CDK12: variants seen among roughly 807,000 people sequenced by gnomAD.
CDK12 encodes the protein cyclin dependent kinase 12.
CDK12 carries 17 observed loss-of-function variants against 133.8 expected under a neutral mutation model. The ratio of observed to expected loss-of-function variants is 0.13; its 90% CI spans 0.09 to 0.19. The LOEUF is 0.19. CDK12 is among the 10% of genes least tolerant of loss of function. CDK12 has a pLI of 1.00. For synonymous variants in CDK12, 694 were observed against 683.6 expected (o/e 1.02, Z -0.24); for missense variants, 1,508 against 1,818.7 (o/e 0.83, Z 3.11).
intron 2 of CDK12, among the ~76,000 whole-genome samples, chr17:39,484,897 G>A (rs1457664821): frequency 6.6e-6 from 1 of 152,116 alleles, no homozygotes; most frequent in Non-Finnish European, 1.5e-5. Flanking sequence ...CAGGCCGGGT[G>A]CGGTGGCTCA....
At chr17:39,519,443 AGGCGT>A (rs1404570824) in intron 10 of CDK12, among the ~76,000 whole-genome samples, 1 of 150,290 alleles carries the variant, frequency 6.7e-6, no homozygotes, top group Non-Finnish European at 1.5e-5. Context: ...CTAGAATTAC[AGGCGT>A]GCATCACCAT....
At chr17:39,498,913 T>C (rs1247867186) in intron 5 of CDK12, among the ~76,000 whole-genome samples, 1 of 4 alleles carries the variant, frequency 0.25, no homozygotes, top group Non-Finnish European at 0.25. Context: ...CTTTCTTTCT[T>C]TCTTTCTTTC....
chr17:39,517,823 G>C (rs1423631767), intron 10 of CDK12, among the ~76,000 whole-genome samples: 3 of 152,140 alleles, frequency 2.0e-5, no homozygotes, highest in Non-Finnish European at 4.4e-5. Context: ...GAGAAAAAGA[G>C]AATGGAATTG....
chr17:39,558,325 G>C (rs900415744), intron 3 of CDK12, among the ~76,000 whole-genome samples: 1 of 152,192 alleles, frequency 6.6e-6, no homozygotes, highest in Non-Finnish European at 1.5e-5. Flanking sequence ...AGGATGGAGG[G>C]GGGAGAGATA....
intron 8 of CDK12, among the ~76,000 whole-genome samples, chr17:39,514,283 A>G (rs1266795395): frequency 1.3e-5 from 2 of 152,194 alleles, no homozygotes; most frequent in African/African-American, 4.8e-5. Flanking sequence ...TTTTAACATA[A>G]TTCGTTTAAA....
At chr17:39,478,047 A>G (rs985390259) in intron 2 of CDK12, among the ~76,000 whole-genome samples, 2 of 134,244 alleles carry the variant, frequency 1.5e-5, no homozygotes, top group Non-Finnish European at 3.2e-5. Context: ...TTTTTTAGCC[A>G]TCTCCTCCTC....
chr17:39,486,472 G>C (rs1177473163), intron 2 of CDK12, among the ~76,000 whole-genome samples: 1 of 151,680 alleles, frequency 6.6e-6, no homozygotes, highest in Non-Finnish European at 1.5e-5. Context: ...TCACTATGTT[G>C]CTCAGGCTGG....
In CDK12 at chr17:39,486,498, C is replaced by T. The variant is rs117318848; in HGVS notation, c.1932-4059C>T. 1.3e-3 allele frequency among the ~76,000 whole-genome samples: 204 copies of T among 151,970 alleles called. 1 individual carries two copies. The highest frequency in any genetic ancestry group is 6.8e-3 in the Middle Eastern group (2 of 294). ...CTCAGGCTGGTCTTGAACTCCTGGG[C>T]TCAAGCAATCTTCCTGCCTTGGCTC... is the stretch of plus-strand genomic sequence containing the variant. On this transcript the variant is annotated intron_variant, in intron 2 of 13. Coordinates refer to ENST00000447079, the MANE Select transcript of CDK12 (RefSeq NM_016507.4).
chr17:39,462,893 G>C lies in CDK12; in HGVS notation c.822G>C (p.Ser274=). 1.2e-6 allele frequency: 2 copies of C among 1,614,146 alleles called. No homozygotes were observed. The highest frequency in any genetic ancestry group is 2.2e-5 in the East Asian group (1 of 44,884). ...CTGGAAGTACCTCGAGAAGGCAGTC[G>C]GTCAGTCCCCCTTACAAGGAGCCTT... ...KSPGSTSRRQ[S]VSPPYKEPSA... is the part of the protein sequence containing the mutation. Residue 274 remains serine, a synonymous_variant, in exon 1 of 14, where the codon TCG becomes TCC. Transcript: ENST00000447079.
rs764875330 is a variant in CDK12, at chr17:39,511,672, A to G, written c.2768+42A>G. 6 of 1,285,998 alleles carry G rather than the reference A, an allele frequency of 4.7e-6. 1 individual carries two copies. Among genetic ancestry groups the G allele is most frequent in the Non-Finnish European group, 6.8e-6 (6 of 887,394 alleles). The allele number at this position is 1,285,998 out of a possible 1,614,324, so 79.7% of individuals were successfully genotyped here. A position where few individuals can be genotyped will look rare whatever the true frequency, so the allele number is the denominator to read the frequency against. ...TTTTTCTTTTGTCTGTAACTTACAT[A>G]CTGTTGACTTGTACTTTGTTTTCTC... On this transcript the variant is annotated intron_variant, in intron 8 of 13. Transcript: ENST00000447079.
chr17:39,501,101 T>C, intron 5 of CDK12, 149 bp from the exon 6 acceptor site: 2 of 544,632 alleles, frequency 3.7e-6, no homozygotes, highest in East Asian at 3.1e-5. Context: ...ATTCAACTAC[T>C]CTTCGTTTCA....
intron 9 of CDK12, among the ~76,000 whole-genome samples, chr17:39,516,932 G>A (rs1412562849): frequency 2.6e-5 from 4 of 152,036 alleles, no homozygotes; most frequent in African/African-American, 4.8e-5. Context: ...CAAAGTGCTG[G>A]GATTACAGGC....
At chr17:39,493,166 GT>G (rs201228796) in intron 4 of CDK12, among the ~76,000 whole-genome samples, 247 of 132,488 alleles carry the variant, frequency 1.9e-3, no homozygotes, top group African/African-American at 6.1e-3. Flanking sequence ...ACTAATTTTT[GT>G]TTTTTTTTTT....
intron 1 of CDK12, among the ~76,000 whole-genome samples, chr17:39,463,706 C>G (rs932169636): frequency 6.6e-6 from 1 of 151,764 alleles, no homozygotes; most frequent in South Asian, 2.1e-4. Flanking sequence ...AATGGTATAA[C>G]CTAGCAGAAA....
Position 39,520,059 on chromosome 17 carries a change from G to A in CDK12, c.3067G>A (p.Val1023Ile). Residue 1023 changes from valine to isoleucine, a missense_variant, in exon 11 of 14, where the codon GTC becomes ATC. Physicochemically the swap from Val to Ile is conservative, Grantham distance 29. Transcript: ENST00000447079. ...QTLQSDFLKD[V>I]ELSKMAPPDL... The stretch of plus-strand genomic sequence containing the variant: ...CCTACAGAGCGACTTCCTTAAAGAT[G>A]TCGAACTCAGCAAAATGGCTCCTCC... 1 of 1,613,976 alleles carries A rather than the reference G, an allele frequency of 6.2e-7. No individual in the cohort carries two copies. The highest frequency in any genetic ancestry group is 8.5e-7 in the Non-Finnish European group (1 of 1,179,958).
intron 1 of CDK12, among the ~76,000 whole-genome samples, 189 bp downstream of exon 1, chr17:39,463,306 G>A (rs761049035): frequency 6.6e-6 from 1 of 152,170 alleles, no homozygotes; most frequent in Non-Finnish European, 1.5e-5. Context: ...AGAGTACATA[G>A]GCCTCAAACC....
At chr17:39,496,355 C>A (rs963858910) in intron 5 of CDK12, among the ~76,000 whole-genome samples, 2 of 152,134 alleles carry the variant, frequency 1.3e-5, no homozygotes, top group South Asian at 2.1e-4. Flanking sequence ...ATAGGTGAAT[C>A]CAAATTTACC....
chr17:39,463,031 C>G lies in CDK12; in HGVS notation c.960C>G (p.Ser320Arg), dbSNP rs1222579647. 2 of 1,614,168 alleles carry G rather than the reference C, an allele frequency of 1.2e-6. No homozygotes were observed. Among genetic ancestry groups the G allele is most frequent in the South Asian group, 2.2e-5 (2 of 91,082 alleles). Reference sequence around the variant, plus strand: ...GCTACGAAAGAAGTGGCTCTTACAGCGGGCGATCGCCCAGTCCCTATGGTC... The same window carrying G: ...GCTACGAAAGAAGTGGCTCTTACAGGGGGCGATCGCCCAGTCCCTATGGTC... Reference protein sequence around the residue: ...SSSYERSGSYSGRSPSPYGRR... With the variant: ...SSSYERSGSYRGRSPSPYGRR... The change falls in exon 1 of 14, where the codon AGC becomes AGG. Residue 320 changes from serine (S) to arginine (R), a missense_variant. This residue lies in a region of CDK12 where 460 missense variants were observed against 490.8 expected (regional missense o/e 0.94). Coordinates refer to ENST00000447079, the MANE Select transcript of CDK12 (RefSeq NM_016507.4).
At chr17:39,550,393 A>C (rs183068238) in exon 1 of CDK12, 1 of 152,228 alleles carries the variant, frequency 6.6e-6, no homozygotes, top group Non-Finnish European at 1.5e-5. Flanking sequence ...GATTGGAACT[A>C]TACTGGTTGA....
Sources: gnomAD v4.1 joint callset for allele counts (sites outside exome capture counted in the v4.1 genomes callset) on GRCh38, gnomAD v4.1.1 for gene constraint, gnomAD v4.1.1 regional missense constraint, MANE v1.5 for transcripts, NCBI Gene and HGNC (gene_info 2026-07-23, HGNC 2026-07-21) for gene names.